Variants in RASGRF2 observed in about 807,000 individuals in gnomAD.
RASGRF2 encodes the protein Ras protein specific guanine nucleotide releasing factor 2, also known as ras-specific guanine nucleotide-releasing factor 2.
In RASGRF2, 76 loss-of-function variants were observed where a neutral mutation model predicts 151.0. That is an observed-to-expected ratio of 0.50 (90% CI 0.42 to 0.61). RASGRF2 has a LOEUF of 0.61. Among genes scored for constraint, RASGRF2 ranks in the 20% least tolerant of loss-of-function variants. The pLI, the probability that RASGRF2 is intolerant of heterozygous loss-of-function variation, is 0.00. For synonymous variants in RASGRF2, 504 were observed against 566.5 expected (o/e 0.89, Z 1.57); for missense variants, 1,148 against 1,564.6 (o/e 0.73, Z 4.49).
chr5:81,110,522 T>C (rs767951270), intron 13 of RASGRF2, among the ~76,000 whole-genome samples: 109 of 152,234 alleles, frequency 7.2e-4, no homozygotes, highest in Non-Finnish European at 1.3e-3. Flanking sequence ...ACATTTTTTG[T>C]CCTAGTGTTT....
intron 17 of RASGRF2, among the ~76,000 whole-genome samples, chr5:81,135,499 G>A (rs150613198): frequency 9.9e-5 from 15 of 152,100 alleles, no homozygotes; most frequent in Admixed American, 9.2e-4. Flanking sequence ...ATTTGTTCTC[G>A]ATATTTAATA....
chr5:81,012,926 G>T (rs1186404330), intron 1 of RASGRF2, among the ~76,000 whole-genome samples: 1 of 152,190 alleles, frequency 6.6e-6, no homozygotes, highest in Non-Finnish European at 1.5e-5. Context: ...ACATACAGAA[G>T]CAAGGCAGTG....
At chr5:81,110,982 C>T (rs1261081396) in intron 13 of RASGRF2, among the ~76,000 whole-genome samples, 1 of 152,190 alleles carries the variant, frequency 6.6e-6, no homozygotes, top group Non-Finnish European at 1.5e-5. Flanking sequence ...AATGCTCTTT[C>T]AGGCCTGCAG....
At chr5:81,045,486 A>G (rs1351014246) in intron 2 of RASGRF2, among the ~76,000 whole-genome samples, 1 of 152,244 alleles carries the variant, frequency 6.6e-6, no homozygotes, top group African/African-American at 2.4e-5. Flanking sequence ...ACATACAGTC[A>G]AAACCAGGGC....
At chr5:81,029,062 G>A (rs548604641) in intron 1 of RASGRF2, among the ~76,000 whole-genome samples, 2 of 152,362 alleles carry the variant, frequency 1.3e-5, no homozygotes, top group African/African-American at 2.4e-5. Flanking sequence ...TAGCACAGCA[G>A]CCTGAGATTG....
intron 9 of RASGRF2, chr5:81,088,135 C>T (rs1247749079): frequency 1.3e-5 from 2 of 152,060 alleles, no homozygotes; most frequent in East Asian, 1.9e-4. Flanking sequence ...CTTGTAATGC[C>T]TCCTCTATTC....
rs550700955 is a variant in RASGRF2, at chr5:81,048,645, G to T, written c.395+5662G>T. 2.0e-3 allele frequency among the ~76,000 whole-genome samples: 300 copies of T among 152,286 alleles called. 2 individuals carry two copies. Among genetic ancestry groups the T allele is most frequent in the African/African-American group, 6.9e-3 (288 of 41,578 alleles). On this transcript the variant is annotated intron_variant, in intron 2 of 26. Coordinates refer to ENST00000265080, the MANE Select transcript of RASGRF2 (RefSeq NM_006909.3). ...CACCGGGCAGGTGCCCCGTCCTCAT[G>T]CGCACACCATCTCACCTGCAGGAGG...
rs759424424 is a variant in RASGRF2 at position 81,112,821 on chromosome 5, G to A, written c.2050G>A (p.Asp684Asn). 1.7e-5 allele frequency: 28 copies of A among 1,614,164 alleles called. No homozygotes were observed. Among genetic ancestry groups the A allele is most frequent in the East Asian group, 6.7e-5 (3 of 44,878 alleles). Reference protein sequence around the residue: ...TAAVVLGKLSDIYKRPFTSIP... With the variant: ...TAAVVLGKLSNIYKRPFTSIP... The stretch of plus-strand genomic sequence containing the variant: ...CGCTGTGGTGCTGGGGAAACTCTCC[G>A]ACATATACAAGAGGCCTTTCACCTC... The change falls in exon 14 of 27, where the codon GAC becomes AAC. Residue 684 changes from aspartate (D) to asparagine (N), a missense_variant. Physicochemically the swap from Asp to Asn is conservative, Grantham distance 23. Transcript: ENST00000265080.
chr5:81,219,918 T>C (rs1755822379), intron 26 of RASGRF2, 140 bp downstream of exon 26: 1 of 509,436 alleles, frequency 2.0e-6, no homozygotes, highest in Non-Finnish European at 3.4e-6. Flanking sequence ...CTTTGGCTAG[T>C]CTGATTAAAA....
chr5:81,113,293 C>A, intron 14 of RASGRF2: 2 of 571,132 alleles, frequency 3.5e-6, no homozygotes, highest in Non-Finnish European at 3.1e-6. Context: ...ACAAGCTCCC[C>A]AGAGATCTCA....
intron 2 of RASGRF2, among the ~76,000 whole-genome samples, chr5:81,056,637 A>C (rs1580261604): frequency 6.6e-6 from 1 of 152,278 alleles, no homozygotes; most frequent in African/African-American, 2.4e-5. Context: ...GTAGATGTCT[A>C]TTAGGTCTGC....
intron 18 of RASGRF2, among the ~76,000 whole-genome samples, chr5:81,193,315 A>C (rs1039082818): frequency 5.9e-5 from 9 of 152,214 alleles, no homozygotes; most frequent in African/African-American, 2.2e-4. Context: ...ATTGCTTTGC[A>C]GATGATTTTT....
At chr5:80,980,477 T>C (rs922143661) in intron 1 of RASGRF2, among the ~76,000 whole-genome samples, 7 of 152,072 alleles carry the variant, frequency 4.6e-5, no homozygotes, top group Non-Finnish European at 1.0e-4. Flanking sequence ...CCATTGCTAC[T>C]AAAAGAATAT....
intron 1 of RASGRF2, among the ~76,000 whole-genome samples, chr5:80,999,371 C>T (rs897820793): frequency 6.6e-6 from 1 of 152,110 alleles, no homozygotes; most frequent in African/African-American, 2.4e-5. Context: ...CAGGGTCTTG[C>T]TCTGTTGCCC....
chr5:81,130,465 C>T (rs749148478), intron 17 of RASGRF2, among the ~76,000 whole-genome samples: 6 of 152,140 alleles, frequency 3.9e-5, no homozygotes, highest in African/African-American at 7.2e-5. Flanking sequence ...TCCTGGGGCT[C>T]AGCCACTCAG....
At chr5:80,996,502 T>TTCTTCTTCTTCTTCC (rs1561544704) in intron 1 of RASGRF2, among the ~76,000 whole-genome samples, 6 of 59,072 alleles carry the variant, frequency 1.0e-4, no homozygotes, top group African/African-American at 4.2e-4. Flanking sequence ...CTTCTTCTTC[T>TTCTTCTTCTTCTTCC]TCCTCCTCCT....
At chr5:81,110,550 G>A (rs1267721421) in intron 13 of RASGRF2, among the ~76,000 whole-genome samples, 6 of 152,268 alleles carry the variant, frequency 3.9e-5, no homozygotes, top group Admixed American at 3.3e-4. Flanking sequence ...GCTAATTATA[G>A]TCAAAAGATG....
At chr5:81,113,206 G>T (rs975512568) in intron 14 of RASGRF2, among the ~76,000 whole-genome samples, 1 of 151,988 alleles carries the variant, frequency 6.6e-6, no homozygotes, top group African/African-American at 2.4e-5. Context: ...GTTGCGTGTG[G>T]TGTGGGGAGG....
intron 22 of RASGRF2, among the ~76,000 whole-genome samples, chr5:81,211,624 A>C (rs1326982400): frequency 1.3e-5 from 2 of 152,230 alleles, no homozygotes; most frequent in Non-Finnish European, 2.9e-5. Context: ...CAGAATCATC[A>C]AAGAATGGGT....
Sources: gnomAD v4.1 joint callset for allele counts (sites outside exome capture counted in the v4.1 genomes callset) on GRCh38, gnomAD v4.1.1 for gene constraint, MANE v1.5 for transcripts, NCBI Gene and HGNC (gene_info 2026-07-23, HGNC 2026-07-21) for gene names.